The following INTS6L variants were observed in gnomAD, a reference collection of about 807,000 sequenced individuals.
INTS6L encodes the protein integrator complex subunit 6 like, also known as integrator complex subunit 6-like.
In INTS6L, 18 loss-of-function variants were observed where a neutral mutation model predicts 64.7. The observed-to-expected ratio is 0.28, with a 90% CI of 0.19 to 0.41. The LOEUF (loss-of-function observed/expected upper bound fraction) is 0.41, where lower values mean the gene tolerates loss of function less well. INTS6L is among the 10% of genes least tolerant of loss of function. The pLI, the probability that INTS6L is intolerant of heterozygous loss-of-function variation, is 1.00. For missense variants in INTS6L, 533 were observed against 661.0 expected (o/e 0.81, Z 2.12); for synonymous variants, 227 against 235.9 (o/e 0.96, Z 0.34).
In INTS6L at chrX:135,551,857, T is replaced by C. The variant is rs1360007065; in HGVS notation, c.907-137T>C. On this transcript the variant is annotated intron_variant, in intron 7 of 17. Transcript: ENST00000639893. ...TTGGTGGTTCCTAGAGATCTAGTAA[T>C]CTTCTTTCTCAAAATGCTAGTCTGT... The C allele has an allele frequency of 7.4e-6, 4 of 540,815 alleles. No homozygotes were observed. In the East Asian group the frequency reaches 1.7e-4, roughly 22 times the overall value. The allele number at this position is 540,815 out of a possible 1,213,427, so 44.6% of individuals were successfully genotyped here. A position where few individuals can be genotyped will look rare whatever the true frequency, so the allele number is the denominator to read the frequency against.
chrX:135,570,397 T>C, intron 10 of INTS6L, 39 bp from the exon 11 acceptor site: 1 of 1,100,241 alleles, frequency 9.1e-7, no homozygotes, highest in Non-Finnish European at 1.2e-6. Flanking sequence ...TTTTAAGATT[T>C]ATTCTATTCT....
chrX:135,574,339 A>C (rs199698623), intron 13 of INTS6L, among the ~76,000 whole-genome samples: 1 of 110,939 alleles, frequency 9.0e-6, no homozygotes. Context: ...TTTATGTCCA[A>C]TTCATGGACA....
rs936116771 is a variant in INTS6L, at chrX:135,581,952, A to G, written c.*316A>G. The G allele has an allele frequency of 2.5e-5, 5 of 197,303 alleles. No homozygotes were observed. In the Admixed American group the frequency reaches 3.2e-4, roughly 13 times the overall value. 16.3% of individuals were successfully genotyped at this position (197,303 alleles called of 1,213,427 possible). On this transcript the variant is annotated 3_prime_UTR_variant, in exon 18 of 18. Coordinates refer to ENST00000639893, the MANE Select transcript of INTS6L (RefSeq NM_001351601.3). The stretch of plus-strand genomic sequence containing the variant: ...AGAGGTCACTCACTTGAACTTTGCC[A>G]TTCCAGGCATTCTCAGAGTGGCGAG...
At chrX:135,524,905 G>A (rs782615246) in intron 2 of INTS6L, among the ~76,000 whole-genome samples, 5 of 112,455 alleles carry the variant, frequency 4.4e-5, no homozygotes, top group Admixed American at 9.4e-5. Flanking sequence ...CATAAAAAGC[G>A]TACGAAATGT....
rs193263299 is a variant in INTS6L at position 135,556,313 on chromosome X, T to C, written c.1192+13T>C. The C allele has an allele frequency of 1.8e-5, 21 of 1,141,429 alleles. No homozygotes were observed. The East Asian group carries it at 5.4e-4, about 29-fold the overall frequency. The allele number at this position is 1,141,429 out of a possible 1,213,427, so 94.1% of individuals were successfully genotyped here. On this transcript the variant is annotated intron_variant, in intron 9 of 17. Transcript: ENST00000639893. Reference sequence around the variant, plus strand: ...CTTCCTCTTTTAGGTAAGTAAAACATGTGCCACTGAATCATCTTTAAAATA... The same window carrying C: ...CTTCCTCTTTTAGGTAAGTAAAACACGTGCCACTGAATCATCTTTAAAATA...
chrX:135,523,126 T>C (rs1265947149), intron 2 of INTS6L, among the ~76,000 whole-genome samples: 3 of 111,727 alleles, frequency 2.7e-5, no homozygotes, highest in African/African-American at 9.8e-5. Flanking sequence ...GGCTCAGGCC[T>C]GTAATCCTAG....
At chrX:135,575,591 T>G (rs782242834) in intron 14 of INTS6L, among the ~76,000 whole-genome samples, 2 of 112,696 alleles carry the variant, frequency 1.8e-5, no homozygotes, top group East Asian at 5.6e-4. Flanking sequence ...ATCCACGTCT[T>G]TCTCACTCCA....
intron 2 of INTS6L, among the ~76,000 whole-genome samples, chrX:135,534,417 A>G (rs1483829887): frequency 2.7e-5 from 3 of 110,411 alleles, no homozygotes; most frequent in East Asian, 2.8e-4. Flanking sequence ...GGGGAGGTCA[A>G]TTTCTTAATA....
At chrX:135,548,066 T>TAC (rs1556515785) in intron 6 of INTS6L, among the ~76,000 whole-genome samples, 3 of 73,471 alleles carry the variant, frequency 4.1e-5, no homozygotes, top group African/African-American at 1.3e-4. Flanking sequence ...TATATATATA[T>TAC]ACACACACAC....
At chrX:135,549,229 AC>A (rs1165220755) in intron 6 of INTS6L, among the ~76,000 whole-genome samples, 3 of 112,201 alleles carry the variant, frequency 2.7e-5, no homozygotes, top group Non-Finnish European at 5.6e-5. Flanking sequence ...TTTTTATCAG[AC>A]TCCAGAAATG....
chrX:135,544,354 AAG>A (rs1195330805), intron 2 of INTS6L, among the ~76,000 whole-genome samples: 1 of 111,965 alleles, frequency 8.9e-6, no homozygotes, highest in Admixed American at 9.4e-5. Flanking sequence ...GAAACCAGAA[AAG>A]AGTGTTTGAT....
At chrX:135,529,738 TA>T (rs782290392) in intron 2 of INTS6L, among the ~76,000 whole-genome samples, 1 of 112,365 alleles carries the variant, frequency 8.9e-6, no homozygotes, top group East Asian at 2.8e-4. Flanking sequence ...TGATTTGACT[TA>T]TATTTGCTTC....
rs782815598 is a variant in INTS6L at position 135,569,411 on chromosome X, C to G, written c.1267C>G (p.Leu423Val). The G allele has an allele frequency of 8.5e-7, 1 of 1,181,948 alleles. No homozygotes were observed. The highest frequency in any genetic ancestry group is 1.1e-6 in the Non-Finnish European group (1 of 877,747). Residue 423 changes from leucine to valine, a missense_variant, in exon 10 of 18, where the codon CTG becomes GTG. Physicochemically the swap from Leu to Val is conservative, Grantham distance 32. Coordinates refer to ENST00000639893, the MANE Select transcript of INTS6L (RefSeq NM_001351601.3). ...RQAFDSYLKT[L>V]PPYYLLPLKK... Reference sequence around the variant, plus strand: ...GGCTTTTGACAGCTACTTAAAAACTCTGCCTCCATACTACCTATTAGTATG... The same window carrying G: ...GGCTTTTGACAGCTACTTAAAAACTGTGCCTCCATACTACCTATTAGTATG...
chrX:135,541,074 G>T (rs1556512504), intron 2 of INTS6L, among the ~76,000 whole-genome samples: 4 of 111,436 alleles, frequency 3.6e-5, no homozygotes, highest in Non-Finnish European at 7.5e-5. Flanking sequence ...GAGCCATCGC[G>T]CCTGGCCTCA....
intron 9 of INTS6L, among the ~76,000 whole-genome samples, chrX:135,566,692 G>C (rs184796422): frequency 1.9e-3 from 217 of 111,881 alleles, no homozygotes; most frequent in Non-Finnish European, 2.9e-3. Flanking sequence ...TCATTAAGGA[G>C]GTCACCAGAT....
intron 9 of INTS6L, among the ~76,000 whole-genome samples, chrX:135,566,965 G>A (rs2086968338): frequency 8.9e-6 from 1 of 112,161 alleles, no homozygotes; most frequent in African/African-American, 3.2e-5. Flanking sequence ...ATACTTTGAT[G>A]TGTATCAGTC....
intron 2 of INTS6L, among the ~76,000 whole-genome samples, chrX:135,527,133 T>C (rs1202271728): frequency 8.9e-6 from 1 of 111,894 alleles, no homozygotes; most frequent in African/African-American, 3.3e-5. Context: ...ATATATAACG[T>C]TTCCATCAAC....
In INTS6L at chrX:135,581,681, G is replaced by T; in HGVS notation, c.*45G>T. 1 of 1,040,250 alleles carries T rather than the reference G, an allele frequency of 9.6e-7. No homozygotes were observed. Among genetic ancestry groups the T allele is most frequent in the Non-Finnish European group, 1.3e-6 (1 of 746,508 alleles). 85.7% of individuals were successfully genotyped at this position (1,040,250 alleles called of 1,213,427 possible). ...AAAATGACAAGTTTTCTGTGCTGTAGGATGGAACAGGATATTGTTGAAGCC... is the reference window on the plus strand; with the variant it reads ...AAAATGACAAGTTTTCTGTGCTGTATGATGGAACAGGATATTGTTGAAGCC... On this transcript the variant is annotated 3_prime_UTR_variant, in exon 18 of 18. Coordinates refer to ENST00000639893, the MANE Select transcript of INTS6L (RefSeq NM_001351601.3).
At chrX:135,547,856 A>T (rs1054928735) in intron 6 of INTS6L, among the ~76,000 whole-genome samples, 2 of 111,251 alleles carry the variant, frequency 1.8e-5, no homozygotes, top group Non-Finnish European at 3.8e-5. Context: ...GCATAGGGGA[A>T]GTTAAATCGT....
Sources: allele counts gnomAD v4.1 joint callset (sites outside exome capture counted in the v4.1 genomes callset), GRCh38; gene constraint gnomAD v4.1.1; transcripts MANE v1.5; gene names NCBI Gene and HGNC (gene_info 2026-07-23, HGNC 2026-07-21).